Variants in WDR70 observed in about 807,000 individuals in gnomAD.
WDR70 encodes WD repeat domain 70, also known as WD repeat-containing protein 70.
Under a neutral mutation model 88.6 loss-of-function variants are expected in WDR70, and 53 were observed. The ratio of observed to expected loss-of-function variants is 0.60; its 90% CI spans 0.48 to 0.75. WDR70 has a LOEUF of 0.75. Among genes scored for constraint, WDR70 ranks in the 30% least tolerant of loss-of-function variants. The pLI, the probability that WDR70 is intolerant of heterozygous loss-of-function variation, is 0.00. For synonymous variants in WDR70, 280 were observed against 270.0 expected (o/e 1.04, Z -0.36); for missense variants, 610 against 823.2 (o/e 0.74, Z 3.17).
At chr5:37,489,183 A>G (rs148193647) in intron 8 of WDR70, among the ~76,000 whole-genome samples, 1 of 152,270 alleles carries the variant, frequency 6.6e-6, no homozygotes, top group African/African-American at 2.4e-5. Flanking sequence ...AGTGGTGGCA[A>G]TGTTGGGCTG....
intron 3 of WDR70, among the ~76,000 whole-genome samples, chr5:37,390,516 A>C (rs1748779859): frequency 6.7e-6 from 1 of 150,360 alleles, no homozygotes; most frequent in African/African-American, 2.4e-5. Context: ...ATTTTTTTGT[A>C]TTTTTAGTAG....
intron 5 of WDR70, among the ~76,000 whole-genome samples, chr5:37,404,258 G>A (rs1419016381): frequency 2.0e-5 from 3 of 152,062 alleles, no homozygotes; most frequent in Non-Finnish European, 4.4e-5. Context: ...CACAGTTGGG[G>A]TCATAGGGTA....
chr5:37,446,158 G>C (rs1480226998), intron 7 of WDR70, among the ~76,000 whole-genome samples: 1 of 152,058 alleles, frequency 6.6e-6, no homozygotes, highest in Non-Finnish European at 1.5e-5. Context: ...GACACACAGA[G>C]AACCAAATCA....
At chr5:37,596,119 C>G (rs1308495792) in intron 9 of WDR70, among the ~76,000 whole-genome samples, 2 of 152,112 alleles carry the variant, frequency 1.3e-5, no homozygotes, top group Admixed American at 6.6e-5. Context: ...TCAGAGCTGT[C>G]AAACCCAGTG....
Position 37,666,015 on chromosome 5 carries a change from G to A in WDR70, c.1093-31640G>A, listed in dbSNP as rs570382335. Among the ~76,000 whole-genome samples the A allele has an allele frequency of 3.0e-3, 464 of 152,278 alleles. 5 individuals are homozygous for A. The highest frequency in any genetic ancestry group is 0.011 in the African/African-American group (448 of 41,558). On this transcript the variant is annotated intron_variant, in intron 10 of 17. Coordinates refer to ENST00000265107, the MANE Select transcript of WDR70 (RefSeq NM_018034.4). ...AGTGGCTAAATCTGCCCAGCTGCCC[G>A]GGAAGCTTGGCAGCCAGGCTGAGGG...
intron 7 of WDR70, among the ~76,000 whole-genome samples, chr5:37,470,505 A>G (rs1235730505): frequency 6.6e-6 from 1 of 152,066 alleles, no homozygotes; most frequent in Non-Finnish European, 1.5e-5. Flanking sequence ...ATTACCCACA[A>G]CCTTCTCATC....
chr5:37,444,023 C>A (rs1398135585), intron 7 of WDR70, among the ~76,000 whole-genome samples: 1 of 150,926 alleles, frequency 6.6e-6, no homozygotes, highest in Non-Finnish European at 1.5e-5. Context: ...GTGGCTCATG[C>A]CTGTAATCCC....
intron 5 of WDR70, among the ~76,000 whole-genome samples, chr5:37,418,524 G>A (rs1299361786): frequency 1.3e-5 from 2 of 151,978 alleles, no homozygotes; most frequent in East Asian, 3.9e-4. Flanking sequence ...GTTTCACCGT[G>A]TTAGCCAGGA....
chr5:37,690,513 A>G (rs1746760038), intron 10 of WDR70, among the ~76,000 whole-genome samples: 2 of 152,246 alleles, frequency 1.3e-5, no homozygotes, highest in Non-Finnish European at 2.9e-5. Context: ...TGGATCTCTC[A>G]GCAGAAACTC....
intron 5 of WDR70, among the ~76,000 whole-genome samples, chr5:37,400,504 A>C (rs1324321595): frequency 6.6e-6 from 1 of 152,170 alleles, no homozygotes; most frequent in Non-Finnish European, 1.5e-5. Context: ...GTCTTTATAA[A>C]AAGAGTCACC....
chr5:37,514,289 G>A (rs987498943), intron 8 of WDR70, among the ~76,000 whole-genome samples: 8 of 131,790 alleles, frequency 6.1e-5, no homozygotes, highest in African/African-American at 2.1e-4. Context: ...AGAAGTGCTG[G>A]GATTATAGTT....
At chr5:37,544,096 C>G (rs1418304052) in intron 9 of WDR70, among the ~76,000 whole-genome samples, 2 of 152,088 alleles carry the variant, frequency 1.3e-5, no homozygotes, top group Non-Finnish European at 2.9e-5. Context: ...TGGAGGATAT[C>G]TTTTCAGTGT....
chr5:37,551,767 A>ATT (rs1742151852), intron 9 of WDR70, among the ~76,000 whole-genome samples: 1 of 96,304 alleles, frequency 1.0e-5, no homozygotes, highest in Non-Finnish European at 2.0e-5. Flanking sequence ...TTCATTGTTT[A>ATT]GTTTTTTTTT....
intron 5 of WDR70, among the ~76,000 whole-genome samples, chr5:37,407,113 G>T (rs1749377251): frequency 6.6e-6 from 1 of 152,202 alleles, no homozygotes; most frequent in South Asian, 2.1e-4. Flanking sequence ...AGCCAGCCAT[G>T]ATCTTGCCAC....
intron 17 of WDR70, among the ~76,000 whole-genome samples, chr5:37,735,775 GT>G (rs927851624): frequency 6.6e-6 from 1 of 151,994 alleles, no homozygotes. Flanking sequence ...TGTCTGGTTG[GT>G]TTTTTTTCTT....
intron 6 of WDR70, among the ~76,000 whole-genome samples, chr5:37,438,559 A>G (rs1474405901): frequency 6.6e-6 from 1 of 152,148 alleles, no homozygotes; most frequent in Non-Finnish European, 1.5e-5. Context: ...ACTAAAAAGT[A>G]GTAGTTAAAT....
intron 13 of WDR70, among the ~76,000 whole-genome samples, chr5:37,711,409 T>C (rs1037608136): frequency 1.3e-5 from 2 of 152,226 alleles, no homozygotes; most frequent in Non-Finnish European, 2.9e-5. Flanking sequence ...AAAGAGTTCA[T>C]TTCTGTGTAT....
chr5:37,533,381 CAGG>C (rs1741557057), intron 9 of WDR70, among the ~76,000 whole-genome samples: 1 of 152,066 alleles, frequency 6.6e-6, no homozygotes, highest in South Asian at 2.1e-4. Flanking sequence ...CACTTGAGGT[CAGG>C]AGTTCGACAC....
intron 10 of WDR70, among the ~76,000 whole-genome samples, chr5:37,647,069 T>C (rs1267409920): frequency 6.6e-6 from 1 of 152,150 alleles, no homozygotes; most frequent in Non-Finnish European, 1.5e-5. Context: ...ATTCCTTTTT[T>C]TCCTCTGACT....
Sources: allele counts gnomAD v4.1 joint callset (sites outside exome capture counted in the v4.1 genomes callset), GRCh38; gene constraint gnomAD v4.1.1; transcripts MANE v1.5; gene names NCBI Gene and HGNC (gene_info 2026-07-23, HGNC 2026-07-21).